DCLK2: variants seen among roughly 807,000 people sequenced by gnomAD.
DCLK2 encodes serine/threonine-protein kinase DCLK2.
Under a neutral mutation model 78.4 loss-of-function variants are expected in DCLK2, and 31 were observed. The observed-to-expected ratio is 0.40, with a 90% CI of 0.30 to 0.53. The LOEUF (loss-of-function observed/expected upper bound fraction) is 0.53. DCLK2 is among the 20% of genes least tolerant of loss of function. The pLI, the probability that DCLK2 is intolerant of heterozygous loss-of-function variation, is 0.61. For synonymous variants in DCLK2, 407 were observed against 374.9 expected, an observed-to-expected ratio of 1.09 and a Z score of -0.99; for missense variants, 872 against 973.7, an observed-to-expected ratio of 0.90 and a Z score of 1.39.
intron 2 of DCLK2, among the ~76,000 whole-genome samples, chr4:150,174,070 G>T (rs905862276): frequency 2.6e-5 from 4 of 152,100 alleles, no homozygotes; most frequent in African/African-American, 9.7e-5. Context: ...GCACTTTAGT[G>T]ATACCCAGGA....
rs140811777 is a variant in DCLK2 at position 150,133,445 on chromosome 4, C to T, written c.756+30633C>T. On this transcript the variant is annotated intron_variant, in intron 2 of 15. Coordinates refer to ENST00000296550, the MANE Select transcript of DCLK2 (RefSeq NM_001040260.4). ...CTGTGAATAATGAGCATTGAACATA[C>T]TTTGAGTTTCAACTAATAGGTAGCA... Among the ~76,000 whole-genome samples, 960 of 152,310 alleles carry T rather than the reference C, an allele frequency of 6.3e-3. 5 individuals are homozygous for T. The highest frequency in any genetic ancestry group is 0.017 in the Middle Eastern group (5 of 294).
At position 150,206,427 on chromosome 4, in the gene DCLK2, A is replaced by G. The variant is rs556385993; in HGVS notation, c.1056+2538A>G. ...AGGGAAATGTTGATTACTGGTCAAG[A>G]TTGAACATAAGATTATAAGTAAGAC... On this transcript the variant is annotated intron_variant, in intron 5 of 15. Transcript: ENST00000296550. Among the ~76,000 whole-genome samples the G allele has an allele frequency of 3.3e-5, 5 of 152,054 alleles. No homozygotes were observed. The South Asian group carries it at 6.3e-4, about 19-fold the overall frequency.
At chr4:150,183,654 G>C (rs996491593) in intron 2 of DCLK2, among the ~76,000 whole-genome samples, 4 of 152,070 alleles carry the variant, frequency 2.6e-5, no homozygotes, top group African/African-American at 9.7e-5. Context: ...GGAATCCATA[G>C]AGTATGAGAT....
chr4:150,160,336 G>C (rs1334217275), intron 2 of DCLK2, among the ~76,000 whole-genome samples: 1 of 152,130 alleles, frequency 6.6e-6, no homozygotes, highest in African/African-American at 2.4e-5. Context: ...TCCTTGTGGA[G>C]AGTGCTTTAA....
intron 2 of DCLK2, among the ~76,000 whole-genome samples, chr4:150,169,200 C>T (rs1365542238): frequency 1.3e-5 from 2 of 152,150 alleles, no homozygotes; most frequent in African/African-American, 4.8e-5. Context: ...ATATTCCCAA[C>T]ATAAAAATTA....
chr4:150,154,374 G>T (rs1197763898), intron 2 of DCLK2, among the ~76,000 whole-genome samples: 2 of 152,138 alleles, frequency 1.3e-5, no homozygotes, highest in Non-Finnish European at 1.5e-5. Context: ...TATGTATTAG[G>T]TATGCAAAGA....
In DCLK2 at chr4:150,240,408, G is replaced by A. The variant is rs771178391; in HGVS notation, c.1710G>A (p.Leu570=). ...PEIIAETGYG[L]KVDIWAAGVI... is the part of the protein sequence containing the mutation. ...CACTTTGTTTTCCTAGCTATGGCCT[G>A]AAGGTGGACATTTGGGCAGCTGGTG... is the stretch of plus-strand genomic sequence containing the variant. The change falls in exon 12 of 16, where the codon CTG becomes CTA. Residue 570 remains leucine, a synonymous_variant. Transcript: ENST00000296550. 3 of 1,613,796 alleles carry A rather than the reference G, an allele frequency of 1.9e-6. No homozygotes were observed. The South Asian group carries it at 3.3e-5, about 18-fold the overall frequency.
intron 2 of DCLK2, 65 bp downstream of exon 2, chr4:150,102,877 A>G: frequency 2.1e-6 from 3 of 1,398,212 alleles, no homozygotes; most frequent in Non-Finnish European, 2.9e-6. Flanking sequence ...TGGTGGCTAC[A>G]TAGTCAACAA....
At chr4:150,090,218 C>T (rs1283045314) in intron 1 of DCLK2, among the ~76,000 whole-genome samples, 3 of 152,174 alleles carry the variant, frequency 2.0e-5, no homozygotes, top group Admixed American at 1.3e-4. Context: ...CCAGCCTGAC[C>T]AACATGGAGA....
At chr4:150,218,580 AGGTACAGGTCTTAG>A (rs1740926119) in intron 5 of DCLK2, among the ~76,000 whole-genome samples, 2 of 152,196 alleles carry the variant, frequency 1.3e-5, no homozygotes, top group South Asian at 4.1e-4. Flanking sequence ...GCAGGGACCC[AGGTACAGGTCTTAG>A]GACCTCAGCT....
At chr4:150,158,964 G>A (rs150385970) in intron 2 of DCLK2, among the ~76,000 whole-genome samples, 67 of 152,228 alleles carry the variant, frequency 4.4e-4, no homozygotes, top group African/African-American at 1.5e-3. Flanking sequence ...CATGAATAGC[G>A]TAGTATTTAG....
At chr4:150,213,119 T>C (rs1404912391) in intron 5 of DCLK2, among the ~76,000 whole-genome samples, 1 of 152,164 alleles carries the variant, frequency 6.6e-6, no homozygotes, top group Non-Finnish European at 1.5e-5. Flanking sequence ...AGGGGTGCGA[T>C]GAGATTCTCT....
chr4:150,234,781 C>T (rs911197778), intron 10 of DCLK2, among the ~76,000 whole-genome samples: 8 of 150,362 alleles, frequency 5.3e-5, no homozygotes, highest in African/African-American at 2.0e-4. Flanking sequence ...GGATTGTGGA[C>T]GTGGTTTTAT....
chr4:150,183,565 T>C (rs1045518509), intron 2 of DCLK2, among the ~76,000 whole-genome samples: 1 of 152,084 alleles, frequency 6.6e-6, no homozygotes, highest in Non-Finnish European at 1.5e-5. Flanking sequence ...ACCCAAACAA[T>C]TTATAGGTTA....
intron 15 of DCLK2, 30 bp downstream of exon 15, chr4:150,249,714 C>A (rs752173695): frequency 1.8e-5 from 28 of 1,580,194 alleles, no homozygotes; most frequent in Non-Finnish European, 2.3e-5. Flanking sequence ...TCTGGCCTGA[C>A]TGCGGAGCCG....
chr4:150,135,171 C>CAT (rs1733605476), intron 2 of DCLK2, among the ~76,000 whole-genome samples: 1 of 148,946 alleles, frequency 6.7e-6, no homozygotes, highest in South Asian at 2.4e-4. Context: ...CGTGTACACA[C>CAT]ACACACACAC....
chr4:150,240,571 T>G, intron 12 of DCLK2, 95 bp downstream of exon 12: 1 of 736,872 alleles, frequency 1.4e-6, no homozygotes, highest in Non-Finnish European at 1.9e-6. Context: ...GACTGTTTGG[T>G]CATTAAAAAT....
intron 2 of DCLK2, among the ~76,000 whole-genome samples, chr4:150,181,138 G>C (rs1394089701): frequency 6.6e-6 from 1 of 152,154 alleles, no homozygotes; most frequent in African/African-American, 2.4e-5. Context: ...GGTCTTCATT[G>C]TGAGGGCTTG....
chr4:150,102,575 A>G lies in DCLK2; in HGVS notation c.519A>G (p.Thr173=), dbSNP rs376730072. ...GGTCTGTGAACATCAAGGGTGGGAC[A>G]TCCCGAGCGCTGGCTGCTGCCTCCT... The part of the protein sequence containing the change: ...PNWSVNIKGG[T]SRALAAASSV... Residue 173 remains threonine (T), a synonymous_variant, in exon 2 of 16, where the codon ACA becomes ACG. Transcript: ENST00000296550. The G allele has an allele frequency of 3.7e-6, 6 of 1,614,094 alleles. No homozygotes were observed. The highest frequency in any genetic ancestry group is 5.1e-6 in the Non-Finnish European group (6 of 1,180,034).
Sources: allele counts gnomAD v4.1 joint callset (sites outside exome capture counted in the v4.1 genomes callset), GRCh38; gene constraint gnomAD v4.1.1; transcripts MANE v1.5; gene names NCBI Gene and HGNC (gene_info 2026-07-23, HGNC 2026-07-21).